Variants in FAM110B observed in about 807,000 individuals in gnomAD.
FAM110B encodes the protein family with sequence similarity 110 member B.
Under a neutral mutation model 20.4 loss-of-function variants are expected in FAM110B, and 6 were observed. The ratio of observed to expected loss-of-function variants is 0.29; its 90% CI spans 0.16 to 0.58. FAM110B has a LOEUF of 0.58. FAM110B is among the 20% of genes least tolerant of loss of function. The probability of loss-of-function intolerance (pLI) is 0.90; values close to 1 mark genes in which losing one functional copy is unlikely to be tolerated. For synonymous variants in FAM110B, 226 were observed against 214.1 expected (o/e 1.06, Z -0.49); for missense variants, 434 against 498.2 (o/e 0.87, Z 1.23).
chr8:58,136,259 C>T (rs1472867520), intron 3 of FAM110B, among the ~76,000 whole-genome samples: 1 of 152,112 alleles, frequency 6.6e-6, no homozygotes, highest in Admixed American at 6.6e-5. Context: ...ATCTGCCCAC[C>T]TCGGCCTCCC....
At position 58,053,812 on chromosome 8, in the gene FAM110B, T is replaced by C. The variant is rs766374121; in HGVS notation, c.-413-21723T>C. 4.8e-4 allele frequency among the ~76,000 whole-genome samples: 73 copies of C among 152,230 alleles called. 1 individual carries two copies. Among genetic ancestry groups the C allele is most frequent in the Non-Finnish European group, 1.8e-4 (12 of 68,042 alleles). On this transcript the variant is annotated intron_variant, in intron 2 of 3. Coordinates refer to ENST00000519262, the MANE Select transcript of FAM110B (RefSeq NM_001377989.1). ...AACTTCAGCTCACTTAAAAAATTTTTCTGTTTTGTTTGGTATACTGTATTA... is the reference window on the plus strand; with the variant it reads ...AACTTCAGCTCACTTAAAAAATTTTCCTGTTTTGTTTGGTATACTGTATTA...
chr8:58,068,989 T>C (rs1805834575), intron 2 of FAM110B, among the ~76,000 whole-genome samples: 1 of 152,214 alleles, frequency 6.6e-6, no homozygotes, highest in African/African-American at 2.4e-5. Context: ...TTCCTGAAAA[T>C]TTATTTTTAA....
chr8:58,119,491 G>T (rs550790938), intron 3 of FAM110B, among the ~76,000 whole-genome samples: 1 of 152,306 alleles, frequency 6.6e-6, no homozygotes, highest in Admixed American at 6.5e-5. Flanking sequence ...TTTTAATACT[G>T]TTGCACTGGG....
intron 2 of FAM110B, among the ~76,000 whole-genome samples, chr8:58,042,318 T>C (rs528094575): frequency 2.5e-4 from 38 of 152,354 alleles, no homozygotes; most frequent in Non-Finnish European, 4.6e-4. Flanking sequence ...CACTTCCTGA[T>C]TTTCTGGCAC....
intron 2 of FAM110B, among the ~76,000 whole-genome samples, chr8:58,049,880 C>T (rs1363113512): frequency 6.6e-6 from 1 of 152,144 alleles, no homozygotes; most frequent in East Asian, 1.9e-4. Context: ...TTTTTATTAG[C>T]ATTCCTTGGA....
intron 3 of FAM110B, among the ~76,000 whole-genome samples, chr8:58,078,602 G>A (rs1806098777): frequency 7.0e-6 from 1 of 142,758 alleles, no homozygotes; most frequent in African/African-American, 2.7e-5. Context: ...CCAGGCTGGA[G>A]TGCAGTGGTG....
intron 2 of FAM110B, among the ~76,000 whole-genome samples, chr8:58,062,671 C>G (rs1197665528): frequency 6.6e-6 from 1 of 152,146 alleles, no homozygotes; most frequent in Non-Finnish European, 1.5e-5. Context: ...TCGATTCCCA[C>G]TATAGTGGTA....
At chr8:58,125,521 A>G (rs1376145297) in intron 3 of FAM110B, among the ~76,000 whole-genome samples, 1 of 152,226 alleles carries the variant, frequency 6.6e-6, no homozygotes, top group Non-Finnish European at 1.5e-5. Flanking sequence ...AATCCATGGC[A>G]TATTCTGAAC....
intron 3 of FAM110B, among the ~76,000 whole-genome samples, chr8:58,141,705 G>A (rs2150643078): frequency 6.6e-6 from 1 of 152,332 alleles, no homozygotes; most frequent in East Asian, 1.9e-4. Flanking sequence ...CAGCCCAAAT[G>A]TGGCCAACAG....
chr8:58,139,822 C>G (rs567010184), intron 3 of FAM110B, among the ~76,000 whole-genome samples: 3 of 152,152 alleles, frequency 2.0e-5, no homozygotes, highest in Non-Finnish European at 2.9e-5. Flanking sequence ...CCCAGCTACT[C>G]GGAAGGCTGA....
intron 1 of FAM110B, among the ~76,000 whole-genome samples, chr8:58,007,939 A>G (rs954764710): frequency 1.3e-5 from 2 of 152,146 alleles, no homozygotes; most frequent in Non-Finnish European, 2.9e-5. Flanking sequence ...ACATATTTAT[A>G]CGTAAAGTAA....
At chr8:58,141,810 C>T (rs900920973) in intron 3 of FAM110B, among the ~76,000 whole-genome samples, 11 of 152,298 alleles carry the variant, frequency 7.2e-5, no homozygotes, top group Non-Finnish European at 1.3e-4. Context: ...CATGGCAGCC[C>T]GTAGCGGGGG....
intron 3 of FAM110B, among the ~76,000 whole-genome samples, chr8:58,114,472 G>C (rs1348539512): frequency 6.6e-6 from 1 of 152,152 alleles, no homozygotes; most frequent in Non-Finnish European, 1.5e-5. Context: ...GCCTCATGCT[G>C]ACCTCAGTAG....
At chr8:58,043,659 T>C (rs1431901692) in intron 2 of FAM110B, among the ~76,000 whole-genome samples, 2 of 152,172 alleles carry the variant, frequency 1.3e-5, no homozygotes, top group African/African-American at 4.8e-5. Context: ...CTTAAACCCC[T>C]GACCTCTTTC....
chr8:58,139,930 AAATAAT>A lies in FAM110B; in HGVS notation c.-324-5962_-324-5957del, dbSNP rs529471589. ...GGGCAACAGAACGAGACTCTGTTTTAAATAATAATAATAATAATAAATGTCTAAATA... is the reference window on the plus strand; with the variant it reads ...GGGCAACAGAACGAGACTCTGTTTTAAATAATAATAATAAATGTCTAAATA... On this transcript the variant is annotated intron_variant, in intron 3 of 3. Transcript: ENST00000519262. 9.0e-3 allele frequency among the ~76,000 whole-genome samples: 1,363 copies of A among 152,048 alleles called. 16 individuals are homozygous for A. Among genetic ancestry groups the A allele is most frequent in the African/African-American group, 0.03 (1,255 of 41,482 alleles).
chr8:57,997,712 T>A (rs1219257204), intron 1 of FAM110B, among the ~76,000 whole-genome samples: 1 of 152,132 alleles, frequency 6.6e-6, no homozygotes, highest in Non-Finnish European at 1.5e-5. Context: ...CCAAGAAAAA[T>A]ACATTCATTC....
At chr8:58,027,682 A>C (rs1266322975) in intron 1 of FAM110B, among the ~76,000 whole-genome samples, 1 of 152,170 alleles carries the variant, frequency 6.6e-6, no homozygotes, top group Admixed American at 6.5e-5. Context: ...AATTTCATAT[A>C]AATGCGATCA....
chr8:58,049,194 C>T (rs1303205146), intron 2 of FAM110B, among the ~76,000 whole-genome samples: 5 of 151,968 alleles, frequency 3.3e-5, no homozygotes, highest in African/African-American at 1.2e-4. Context: ...GGGGAGTAAG[C>T]TTGGTTTTGA....
chr8:58,075,743 C>CAATA (rs939945038), intron 3 of FAM110B, 120 bp downstream of exon 3: 15 of 151,686 alleles, frequency 9.9e-5, no homozygotes, highest in Admixed American at 3.9e-4. Flanking sequence ...TGCTGTCTGG[C>CAATA]AATAAATAAA....
Sources: gnomAD v4.1 joint callset for allele counts (sites outside exome capture counted in the v4.1 genomes callset) on GRCh38, gnomAD v4.1.1 for gene constraint, MANE v1.5 for transcripts, NCBI Gene and HGNC (gene_info 2026-07-23, HGNC 2026-07-21) for gene names.